The following KIF1A variants were observed in gnomAD, a reference collection of about 807,000 sequenced individuals.
KIF1A encodes the protein kinesin family member 1A.
Under a neutral mutation model 227.3 loss-of-function variants are expected in KIF1A, and 46 were observed. The observed-to-expected ratio is 0.20, with a 90% CI of 0.16 to 0.26. The LOEUF (loss-of-function observed/expected upper bound fraction) is 0.26, where lower values mean the gene tolerates loss of function less well. Ranked by LOEUF, KIF1A falls within the 10% of genes least tolerant of loss-of-function variation. The probability of loss-of-function intolerance (pLI) is 1.00; values close to 1 mark genes in which losing one functional copy is unlikely to be tolerated. For missense variants in KIF1A, 1,683 were observed against 2,485.9 expected (o/e 0.68, Z 6.87); for synonymous variants, 1,022 against 1,012.8 (o/e 1.01, Z -0.17).
rs1259387609 is a variant in KIF1A at position 240,717,938 on chromosome 2, C to A, written c.5333+112G>T. The A allele has an allele frequency of 4.7e-5, 35 of 744,114 alleles. No individual in the cohort carries two copies. In the South Asian group the frequency reaches 5.1e-4, roughly 11 times the overall value. The allele number at this position is 744,114 out of a possible 1,614,324, so 46.1% of individuals were successfully genotyped here. ...GCCAGGAGGGGATTGAGGGCAGGAC[C>A]CCTGGGAGAGCAGTCTTGTCCTGCA... On this transcript the variant is annotated intron_variant, in intron 48 of 48. Transcript: ENST00000498729.
intron 1 of KIF1A, 59 bp from the exon 2 acceptor site, chr2:240,797,871 CCGGCTGCAGCT>C: frequency 1.6e-6 from 1 of 643,402 alleles, no homozygotes; most frequent in Non-Finnish European, 2.7e-6. Flanking sequence ...GACAGGCACT[CCGGCTGCAGCT>C]GAAGCCACAG....
At chr2:240,742,778 G>C in intron 34 of KIF1A, 151 bp downstream of exon 34, 1 of 665,016 alleles carries the variant, frequency 1.5e-6, no homozygotes, top group Non-Finnish European at 2.6e-6. Flanking sequence ...GGGACCCCGT[G>C]AGGCCTGACA....
At chr2:240,730,559 C>T (rs1324306300) in intron 38 of KIF1A, among the ~76,000 whole-genome samples, 1 of 152,192 alleles carries the variant, frequency 6.6e-6, no homozygotes, top group African/African-American at 2.4e-5. Context: ...TGTGGAGGCC[C>T]AGGTTCTCCA....
chr2:240,737,311 C>G, intron 37 of KIF1A, 143 bp from the exon 38 acceptor site: 7 of 663,990 alleles, frequency 1.1e-5, no homozygotes, highest in Non-Finnish European at 1.7e-5. Flanking sequence ...CCAGGGGGAA[C>G]AGGGAGGCCC....
intron 27 of KIF1A, among the ~76,000 whole-genome samples, chr2:240,751,545 AG>A (rs1431402474): frequency 6.6e-6 from 1 of 152,122 alleles, no homozygotes; most frequent in Non-Finnish European, 1.5e-5. Context: ...CCAGCAGCAC[AG>A]GGGCCCCTCC....
intron 1 of KIF1A, among the ~76,000 whole-genome samples, chr2:240,814,462 T>C (rs978790424): frequency 2.0e-5 from 3 of 151,596 alleles, no homozygotes; most frequent in Non-Finnish European, 2.9e-5. Flanking sequence ...CAAAGACTCA[T>C]GCACCCTTTC....
In KIF1A at chr2:240,734,872, G is replaced by A. The variant is rs868840072; in HGVS notation, c.4007+2191C>T. ...CTCTGAGCCAGGGAGGCTGCAAAGCGTGGGGCCTGGGAGCGGGCAGGAGGC... is the reference window on the plus strand; with the variant it reads ...CTCTGAGCCAGGGAGGCTGCAAAGCATGGGGCCTGGGAGCGGGCAGGAGGC... On this transcript the variant is annotated intron_variant, in intron 38 of 48. Coordinates refer to ENST00000498729, the MANE Select transcript of KIF1A (RefSeq NM_001244008.2). 28 of 667,874 alleles carry A rather than the reference G, an allele frequency of 4.2e-5. No individual in the cohort carries two copies. In the Middle Eastern group the frequency reaches 3.1e-3, roughly 73 times the overall value. 41.4% of individuals were successfully genotyped at this position (667,874 alleles called of 1,614,324 possible). A position where few individuals can be genotyped will look rare whatever the true frequency, so the allele number is the denominator to read the frequency against.
rs2055220699 is a variant in KIF1A at position 240,788,436 on chromosome 2, A to G, written c.184-206T>C. Among the ~76,000 whole-genome samples the G allele has an allele frequency of 6.6e-6, 1 of 152,122 alleles. No individual in the cohort carries two copies. The highest frequency in any genetic ancestry group is 2.4e-5 in the African/African-American group (1 of 41,418). ...TCTGTGTCACAGATGCGGGATGAAG[A>G]GCGGCCAGCCAGGCAGGAGGCAGGA... On this transcript the variant is annotated intron_variant, in intron 3 of 48. Coordinates refer to ENST00000498729, the MANE Select transcript of KIF1A (RefSeq NM_001244008.2). This position sits in a 1 kb window ranked among gnomAD's most constrained non-coding sequence, Gnocchi z 6.6.
intron 1 of KIF1A, among the ~76,000 whole-genome samples, chr2:240,806,245 T>A (rs552956175): frequency 3.9e-5 from 6 of 152,272 alleles, no homozygotes; most frequent in African/African-American, 1.2e-4. Context: ...AGGTTGTGAG[T>A]CAGAGTTCTG....
chr2:240,800,974 A>T (rs2056914885), intron 1 of KIF1A, among the ~76,000 whole-genome samples: 1 of 150,682 alleles, frequency 6.6e-6, no homozygotes, highest in African/African-American at 2.5e-5. Flanking sequence ...GAGAAAATGG[A>T]AGCCATCTGG....
intron 27 of KIF1A, among the ~76,000 whole-genome samples, chr2:240,755,554 T>C (rs1410479943): frequency 6.6e-6 from 1 of 152,192 alleles, no homozygotes; most frequent in Non-Finnish European, 1.5e-5. Context: ...AGCTGCTGCA[T>C]GGGAGAAGCC....
In KIF1A at chr2:240,743,873, C is replaced by A. The variant is rs1373705641; in HGVS notation, c.3584+69G>T. 4 of 1,068,364 alleles carry A rather than the reference C, an allele frequency of 3.7e-6. No homozygotes were observed. The African/African-American group carries it at 4.7e-5, about 12-fold the overall frequency. The allele number at this position is 1,068,364 out of a possible 1,614,324, so 66.2% of individuals were successfully genotyped here. A position where few individuals can be genotyped will look rare whatever the true frequency, so the allele number is the denominator to read the frequency against. On this transcript the variant is annotated intron_variant, in intron 33 of 48. Coordinates refer to ENST00000498729, the MANE Select transcript of KIF1A (RefSeq NM_001244008.2). ...CATAGGCTCTGCAGCCTCAAGACAG[C>A]TGGATGAAAAGATCTGGGCAGGGGC...
chr2:240,737,768 G>C (rs1040212132), intron 37 of KIF1A, among the ~76,000 whole-genome samples: 1 of 152,206 alleles, frequency 6.6e-6, no homozygotes. Context: ...CTGTCTAGTG[G>C]CTTCACCTAG....
rs374417779 is a variant in KIF1A at position 240,720,992 on chromosome 2, G to A, written c.4790C>T (p.Pro1597Leu). Residue 1597 changes from proline (P) to leucine (L), a missense_variant, in exon 45 of 49, where the codon CCT (proline) becomes CTT (leucine). Coordinates refer to ENST00000498729, the MANE Select transcript of KIF1A (RefSeq NM_001244008.2). ...VTLLRDPSMSPLGVATLTPSS... is the reference protein window; with the variant it reads ...VTLLRDPSMSLLGVATLTPSS... Reference sequence around the variant, plus strand: ...GGGGGTGAGAGTGGCCACCCCTAGAGGGGACATCGACGGGTCCCGGAGCAG... The same window carrying A: ...GGGGGTGAGAGTGGCCACCCCTAGAAGGGACATCGACGGGTCCCGGAGCAG... The A allele has an allele frequency of 9.3e-6, 15 of 1,610,426 alleles. No homozygotes were observed. In the East Asian group the frequency reaches 2.9e-4, roughly 31 times the overall value.
intron 10 of KIF1A, chr2:240,782,233 G>A (rs778660676): frequency 1.1e-5 from 11 of 979,738 alleles, no homozygotes; most frequent in African/African-American, 1.1e-4. Flanking sequence ...CCTGTCACCC[G>A]CTTCCTCTCA....
In KIF1A at chr2:240,778,252, C is replaced by T. The variant is rs1021969204; in HGVS notation, c.883-2326G>A. ...CCACACGCAATTCTGTCACAGTTCTCTGTGGAGTTCTTTACACAGTTCCAC... is the reference window on the plus strand; with the variant it reads ...CCACACGCAATTCTGTCACAGTTCTTTGTGGAGTTCTTTACACAGTTCCAC... On this transcript the variant is annotated intron_variant, in intron 10 of 48. Coordinates refer to ENST00000498729, the MANE Select transcript of KIF1A (RefSeq NM_001244008.2). This position sits in a 1 kb window ranked among gnomAD's most constrained non-coding sequence, Gnocchi z 7.2. Among the ~76,000 whole-genome samples the T allele has an allele frequency of 1.3e-5, 2 of 152,124 alleles. No individual in the cohort carries two copies. Among genetic ancestry groups the T allele is most frequent in the Non-Finnish European group, 2.9e-5 (2 of 68,016 alleles).
intron 10 of KIF1A, among the ~76,000 whole-genome samples, chr2:240,777,641 C>A (rs866869364): frequency 6.6e-6 from 1 of 152,196 alleles, no homozygotes; most frequent in Non-Finnish European, 1.5e-5. Flanking sequence ...CCGTCACCAG[C>A]GCACATGGCC....
rs961917627 is a variant in KIF1A, at chr2:240,736,758, G to T, written c.4007+305C>A. On this transcript the variant is annotated intron_variant, in intron 38 of 48. Transcript: ENST00000498729. This position sits in a 1 kb window ranked among gnomAD's most constrained non-coding sequence, Gnocchi z 4.7. ...ATACAGCCACTTGTCCCCACACCAC[G>T]CAACCACAAAACTCCCGAGGACAGA... Among the ~76,000 whole-genome samples the T allele has an allele frequency of 3.9e-5, 6 of 152,162 alleles. No homozygotes were observed. The highest frequency in any genetic ancestry group is 1.4e-4 in the African/African-American group (6 of 41,448).
chr2:240,765,040 A>G (rs1422836328), intron 20 of KIF1A, among the ~76,000 whole-genome samples: 1 of 152,146 alleles, frequency 6.6e-6, no homozygotes, highest in Non-Finnish European at 1.5e-5. Context: ...ATACCTAGAC[A>G]TGGTTGTACG....
Sources: gnomAD v4.1 joint callset for allele counts (sites outside exome capture counted in the v4.1 genomes callset) on GRCh38, gnomAD v4.1.1 for gene constraint, Gnocchi (gnomAD v3.1) non-coding constraint, MANE v1.5 for transcripts, NCBI Gene and HGNC (gene_info 2026-07-23, HGNC 2026-07-21) for gene names.